Variants in ADD2 observed in about 807,000 individuals in gnomAD.
ADD2 encodes the protein adducin 2.
Under a neutral mutation model 83.0 loss-of-function variants are expected in ADD2, and 23 were observed. The observed-to-expected ratio is 0.28, with a 90% CI of 0.20 to 0.39. ADD2 has a LOEUF of 0.39. ADD2 is among the 10% of genes least tolerant of loss of function. The pLI, the probability that ADD2 is intolerant of heterozygous loss-of-function variation, is 1.00. For missense variants in ADD2, 758 were observed against 944.9 expected (o/e 0.80, Z 2.59); for synonymous variants, 375 against 375.4 (o/e 1.00, Z 0.01).
intron 1 of ADD2, among the ~76,000 whole-genome samples, chr2:70,722,531 T>C (rs3821255): frequency 0.3 from 45,272 of 152,020 alleles, 7,193 homozygotes; most frequent in African/African-American, 0.41. Flanking sequence ...ACAAGAGAAA[T>C]AGGCCATGAG....
intron 1 of ADD2, among the ~76,000 whole-genome samples, chr2:70,734,348 C>G (rs955967430): frequency 2.6e-5 from 4 of 151,998 alleles, no homozygotes; most frequent in Non-Finnish European, 5.9e-5. Flanking sequence ...AACATCTACC[C>G]CCACCCCTCA....
At chr2:70,740,993 C>T (rs6756851) in intron 1 of ADD2, among the ~76,000 whole-genome samples, 5,756 of 152,296 alleles carry the variant, frequency 0.038, 366 homozygotes, top group African/African-American at 0.13. Flanking sequence ...AGCCACCGTG[C>T]CCGGCCTTGG....
intron 1 of ADD2, among the ~76,000 whole-genome samples, chr2:70,720,868 G>A (rs1338081017): frequency 6.6e-6 from 1 of 152,210 alleles, no homozygotes; most frequent in Non-Finnish European, 1.5e-5. Flanking sequence ...AGGCAATTAA[G>A]AGTGGAGGTG....
chr2:70,676,519 T>C lies in ADD2; in HGVS notation c.1593+277A>G, dbSNP rs868973423. The stretch of plus-strand genomic sequence containing the variant: ...TAAGGGAGGACAGAGTGGAGTTCCA[T>C]GGCAGGAGGTACGGAAGCCGGCCGC... On this transcript the variant is annotated intron_variant, in intron 13 of 15. Transcript: ENST00000264436. This position sits in a 1 kb window ranked among gnomAD's most constrained non-coding sequence, Gnocchi z 4.8. The C allele has an allele frequency of 4.3e-6, 6 of 1,381,466 alleles. No individual in the cohort carries two copies. In the African/African-American group the frequency reaches 5.8e-5, roughly 13 times the overall value. 85.6% of individuals were successfully genotyped at this position (1,381,466 alleles called of 1,614,324 possible). A position where few individuals can be genotyped will look rare whatever the true frequency, so the allele number is the denominator to read the frequency against.
At chr2:70,694,388 C>T (rs1379107895) in intron 6 of ADD2, among the ~76,000 whole-genome samples, 1 of 152,274 alleles carries the variant, frequency 6.6e-6, no homozygotes, top group East Asian at 1.9e-4. Flanking sequence ...CAGAAATCTG[C>T]TTGCATTACT....
At chr2:70,731,736 C>T (rs943607488) in intron 1 of ADD2, among the ~76,000 whole-genome samples, 1 of 152,174 alleles carries the variant, frequency 6.6e-6, no homozygotes, top group African/African-American at 2.4e-5. Context: ...GGAGAAAAGA[C>T]AAATCCCTCT....
chr2:70,675,884 T>C, intron 13 of ADD2: 1 of 985,416 alleles, frequency 1.0e-6, no homozygotes, highest in Non-Finnish European at 1.2e-6. Context: ...CTCATTGTAA[T>C]GAACTCTCAC....
intron 4 of ADD2, among the ~76,000 whole-genome samples, chr2:70,702,407 T>C (rs1671637718): frequency 6.6e-6 from 1 of 152,218 alleles, no homozygotes; most frequent in Non-Finnish European, 1.5e-5. Flanking sequence ...CCTCAGGTGA[T>C]CCACCTGCTT....
chr2:70,709,615 A>G (rs1309365274), intron 2 of ADD2, among the ~76,000 whole-genome samples: 2 of 151,930 alleles, frequency 1.3e-5, no homozygotes, highest in African/African-American at 4.8e-5. Flanking sequence ...GAACCAAATG[A>G]CCTCTGGGGT....
intron 1 of ADD2, among the ~76,000 whole-genome samples, chr2:70,739,137 T>C (rs1673740927): frequency 6.6e-6 from 1 of 152,044 alleles, no homozygotes; most frequent in Non-Finnish European, 1.5e-5. Context: ...TTGCAAACAG[T>C]GTATCTGACA....
intron 1 of ADD2, among the ~76,000 whole-genome samples, chr2:70,725,794 C>T (rs1243389758): frequency 1.3e-5 from 2 of 149,864 alleles, no homozygotes; most frequent in Non-Finnish European, 3.0e-5. Flanking sequence ...TACATACAAA[C>T]CACCTGAGGA....
intron 1 of ADD2, among the ~76,000 whole-genome samples, chr2:70,741,747 A>G (rs1673925500): frequency 6.6e-6 from 1 of 152,212 alleles, no homozygotes; most frequent in Non-Finnish European, 1.5e-5. Context: ...CCACACACAC[A>G]CTGAAACTCA....
chr2:70,766,106 T>C (rs780639112), intron 1 of ADD2, among the ~76,000 whole-genome samples: 1 of 152,232 alleles, frequency 6.6e-6, no homozygotes, highest in Admixed American at 6.5e-5. Context: ...ATGTCAGGCA[T>C]TGTTGTACAT....
At chr2:70,691,400 G>A (rs543386592) in intron 7 of ADD2, among the ~76,000 whole-genome samples, 2 of 152,156 alleles carry the variant, frequency 1.3e-5, no homozygotes, top group Admixed American at 6.5e-5. Context: ...CAAACAGAGA[G>A]GCCCATTGAA....
intron 1 of ADD2, among the ~76,000 whole-genome samples, chr2:70,747,135 C>T (rs1435323999): frequency 2.6e-5 from 4 of 151,548 alleles, no homozygotes; most frequent in African/African-American, 7.3e-5. Context: ...CTCAGCCTCC[C>T]GAGTAGCTGG....
intron 1 of ADD2, among the ~76,000 whole-genome samples, chr2:70,743,779 A>G (rs529035465): frequency 1.1e-4 from 16 of 152,356 alleles, no homozygotes; most frequent in African/African-American, 3.8e-4. Context: ...TTACTATAGC[A>G]GGTACAAAGG....
At position 70,706,365 on chromosome 2, in the gene ADD2, G is replaced by C; in HGVS notation, c.44C>G (p.Pro15Arg). Reference protein sequence around the residue: ...TVPEAASPPPPQGQPYFDRFS... With the variant: ...TVPEAASPPPRQGQPYFDRFS... The stretch of plus-strand genomic sequence containing the variant: ...GCGGTCAAAGTAAGGCTGCCCCTGC[G>C]GGGGCGGCGGCGAGGCAGCCTCGGG... Residue 15 changes from proline (P) to arginine (R), a missense_variant, in exon 3 of 16, where the codon CCG (proline) becomes CGG (arginine). Pro to Arg is a moderately radical substitution (Grantham distance 103). This residue lies in a region of ADD2 where 175 missense variants were observed against 192.1 expected (regional missense o/e 0.91). Transcript: ENST00000264436. The surrounding 1 kb of genome is among the most constrained non-coding windows in gnomAD (Gnocchi z 5.0). The C allele has an allele frequency of 6.2e-7, 1 of 1,611,898 alleles. No individual in the cohort carries two copies.
intron 1 of ADD2, among the ~76,000 whole-genome samples, chr2:70,719,835 A>G (rs1553377023): frequency 1.3e-5 from 2 of 152,134 alleles, no homozygotes; most frequent in Non-Finnish European, 2.9e-5. Context: ...TCAAATTCAA[A>G]CATGAAACAG....
intron 1 of ADD2, among the ~76,000 whole-genome samples, chr2:70,733,919 C>G (rs1368592309): frequency 6.6e-6 from 1 of 152,164 alleles, no homozygotes; most frequent in Non-Finnish European, 1.5e-5. Context: ...CACAAAAGCC[C>G]ACCCCTAGCA....
Sources: gnomAD v4.1 joint callset for allele counts (sites outside exome capture counted in the v4.1 genomes callset) on GRCh38, gnomAD v4.1.1 for gene constraint, gnomAD v4.1.1 regional missense constraint, Gnocchi (gnomAD v3.1) non-coding constraint, MANE v1.5 for transcripts, NCBI Gene and HGNC (gene_info 2026-07-23, HGNC 2026-07-21) for gene names.